Variants in ATG7 observed in about 807,000 individuals in gnomAD.
ATG7 encodes the protein ubiquitin-like modifier-activating enzyme ATG7.
ATG7 carries 70 observed loss-of-function variants against 82.4 expected under a neutral mutation model. The observed-to-expected ratio is 0.85, with a 90% CI of 0.70 to 1.04. The LOEUF is 1.04. Ranked by LOEUF, ATG7 falls within the 50% of genes least tolerant of loss-of-function variation. ATG7 has a pLI of 0.00. For synonymous variants in ATG7, 287 were observed against 313.0 expected (o/e 0.92, Z 0.88); for missense variants, 792 against 864.3 (o/e 0.92, Z 1.05).
intron 19 of ATG7, 22 bp from the exon 20 acceptor site, chr3:11,426,782 A>T: frequency 6.5e-7 from 1 of 1,543,228 alleles, no homozygotes; most frequent in Non-Finnish European, 8.7e-7. Context: ...ACTCCTTTTT[A>T]AAAAATGTAA....
chr3:11,399,398 A>G (rs898784930), intron 19 of ATG7, among the ~76,000 whole-genome samples: 1 of 152,184 alleles, frequency 6.6e-6, no homozygotes, highest in African/African-American at 2.4e-5. Flanking sequence ...TTATAGTTCA[A>G]TGTTAAAAAA....
chr3:11,490,732 G>T (rs2090260568), intron 20 of ATG7, among the ~76,000 whole-genome samples: 1 of 151,996 alleles, frequency 6.6e-6, no homozygotes, highest in Non-Finnish European at 1.5e-5. Context: ...CACTTATGAA[G>T]CTTAGTTTGC....
intron 20 of ATG7, chr3:11,477,375 T>C (rs1463405214): frequency 2.0e-6 from 2 of 996,116 alleles, no homozygotes; most frequent in Non-Finnish European, 2.5e-6. Flanking sequence ...CTCCATGTGC[T>C]GTGAAATGCT....
At chr3:11,449,835 T>C (rs1035940950) in intron 20 of ATG7, among the ~76,000 whole-genome samples, 7 of 152,198 alleles carry the variant, frequency 4.6e-5, no homozygotes, top group African/African-American at 1.7e-4. Context: ...AAAAAGCGGT[T>C]GTAGATGGAA....
chr3:11,569,232 G>A, the ATG7 span, among the ~76,000 whole-genome samples: 4 of 152,208 alleles, frequency 2.6e-5, no homozygotes, highest in Non-Finnish European at 4.4e-5. Flanking sequence ...GACGTTCTGA[G>A]CCTGCGCTGG....
intron 20 of ATG7, among the ~76,000 whole-genome samples, chr3:11,527,182 G>A (rs1466903554): frequency 6.6e-6 from 1 of 151,626 alleles, no homozygotes; most frequent in South Asian, 2.1e-4. Flanking sequence ...TCGGCTCACT[G>A]CAACCTCTGC....
intron 11 of ATG7, 91 bp from the exon 12 acceptor site, chr3:11,340,554 A>G (rs894672008): frequency 1.2e-5 from 14 of 1,139,034 alleles, no homozygotes; most frequent in African/African-American, 7.8e-5. Flanking sequence ...GCCATTATGA[A>G]TGTCGATCTT....
chr3:11,309,195 C>G (rs1015360054), intron 7 of ATG7, 134 bp downstream of exon 7: 1 of 895,506 alleles, frequency 1.1e-6, no homozygotes, highest in African/African-American at 1.7e-5. Context: ...GTTAACGAAA[C>G]GCTCATTTGA....
chr3:11,384,465 C>T (rs769748361), intron 19 of ATG7, among the ~76,000 whole-genome samples: 4 of 152,136 alleles, frequency 2.6e-5, no homozygotes, highest in Non-Finnish European at 4.4e-5. Context: ...GATTAAACTC[C>T]TCAAAGTGAC....
intron 20 of ATG7, among the ~76,000 whole-genome samples, chr3:11,517,765 G>A (rs1450075465): frequency 6.6e-6 from 1 of 152,280 alleles, no homozygotes; most frequent in African/African-American, 2.4e-5. Context: ...CTGTGACTTA[G>A]GTGGCTCAGC....
At chr3:11,506,581 AAAACCC>A (rs1483604832) in intron 20 of ATG7, among the ~76,000 whole-genome samples, 143 of 14,046 alleles carry the variant, frequency 0.01, 3 homozygotes, top group African/African-American at 0.036. Context: ...AAAAAAAAAA[AAAACCC>A]AAAAATTAGC....
chr3:11,548,892 G>A (rs916902017), intron 20 of ATG7, among the ~76,000 whole-genome samples: 3 of 152,194 alleles, frequency 2.0e-5, no homozygotes, highest in South Asian at 2.1e-4. Context: ...AAAGTGAGAC[G>A]GCCGGGTCAA....
intron 20 of ATG7, among the ~76,000 whole-genome samples, chr3:11,451,761 C>CAT (rs10656229): frequency 0.53 from 76,127 of 144,082 alleles, 20,756 homozygotes; most frequent in East Asian, 0.67. Context: ...GAAAATATTA[C>CAT]GTGTATATAT....
intron 20 of ATG7, among the ~76,000 whole-genome samples, chr3:11,494,947 C>T (rs1231096029): frequency 6.6e-6 from 1 of 152,158 alleles, no homozygotes; most frequent in Non-Finnish European, 1.5e-5. Context: ...TGGTGCACAC[C>T]TGTAATCCCA....
intron 19 of ATG7, among the ~76,000 whole-genome samples, chr3:11,420,392 G>A (rs1165587713): frequency 2.6e-5 from 4 of 151,930 alleles, no homozygotes; most frequent in African/African-American, 7.3e-5. Context: ...TTTTTCCGTG[G>A]TCAGATATGT....
At chr3:11,496,976 T>C (rs2443711) in intron 20 of ATG7, among the ~76,000 whole-genome samples, 128,051 of 151,628 alleles carry the variant, frequency 0.84, 54,244 homozygotes, top group East Asian at 1. Flanking sequence ...CTCAGCCTCC[T>C]GAGGAGCTGG....
chr3:11,564,936 A>C, the ATG7 span: 1 of 1,585,240 alleles, frequency 6.3e-7, no homozygotes, highest in African/African-American at 1.4e-5. Context: ...GTGCAGGCTC[A>C]TGGTGGGGGC....
chr3:11,349,536 G>A (rs2152792844), intron 14 of ATG7, among the ~76,000 whole-genome samples: 1 of 152,050 alleles, frequency 6.6e-6, no homozygotes, highest in African/African-American at 2.4e-5. Context: ...GCAAAACACT[G>A]TCTATATAAT....
At chr3:11,564,337 C>T in the ATG7 span, among the ~76,000 whole-genome samples, 1 of 152,168 alleles carries the variant, frequency 6.6e-6, no homozygotes. Flanking sequence ...TGTGCAGGAC[C>T]CCAGCCCAAG....
Sources: allele counts gnomAD v4.1 joint callset (sites outside exome capture counted in the v4.1 genomes callset), GRCh38; gene constraint gnomAD v4.1.1; transcripts MANE v1.5; gene names NCBI Gene and HGNC (gene_info 2026-07-23, HGNC 2026-07-21).